Variants in CPNE4 observed in about 807,000 individuals in gnomAD.
The protein encoded by CPNE4 is copine 4, also known as copine-4.
A neutral mutation model predicts 67.9 loss-of-function variants in CPNE4; 25 were observed. The observed-to-expected ratio is 0.37, with a 90% CI of 0.27 to 0.51. The LOEUF (loss-of-function observed/expected upper bound fraction) is 0.51, where lower values mean the gene tolerates loss of function less well. Ranked by LOEUF, CPNE4 falls within the 20% of genes least tolerant of loss-of-function variation. The pLI, the probability that CPNE4 is intolerant of heterozygous loss-of-function variation, is 0.93. For synonymous variants in CPNE4, 242 were observed against 244.9 expected, an observed-to-expected ratio of 0.99 and a Z score of 0.11; for missense variants, 464 against 690.8, an observed-to-expected ratio of 0.67 and a Z score of 3.68.
At chr3:131,909,907 TA>T (rs1156409259) in intron 1 of CPNE4, among the ~76,000 whole-genome samples, 1 of 151,284 alleles carries the variant, frequency 6.6e-6, no homozygotes, top group African/African-American at 2.5e-5. Context: ...TAGAGTTTTT[TA>T]AATCATGGAA....
intron 7 of CPNE4, among the ~76,000 whole-genome samples, chr3:131,644,742 A>T (rs2079621338): frequency 6.6e-6 from 1 of 152,184 alleles, no homozygotes. Context: ...ACTTACAGGA[A>T]TGGAAAAGGT....
intron 3 of CPNE4, among the ~76,000 whole-genome samples, chr3:131,707,238 C>T (rs982679326): frequency 5.9e-5 from 9 of 152,198 alleles, no homozygotes; most frequent in Non-Finnish European, 1.2e-4. Context: ...CAGAGCCACA[C>T]TCTCTCCAGA....
intron 7 of CPNE4, among the ~76,000 whole-genome samples, chr3:131,603,395 T>C (rs754920952): frequency 1.3e-4 from 20 of 152,178 alleles, no homozygotes; most frequent in Non-Finnish European, 2.2e-4. Context: ...AGGGACTCAA[T>C]AAGTGTTGCT....
chr3:131,791,504 C>T lies in CPNE4; in HGVS notation c.181-67879G>A, dbSNP rs761153584. ...ACACCTAAACTAATATTTCAAATGG[C>T]CCCTTGTTTAGCACTTGGAAGGTTT... On this transcript the variant is annotated intron_variant, in intron 2 of 15. Coordinates refer to ENST00000429747, the MANE Select transcript of CPNE4 (RefSeq NM_130808.3). Among the ~76,000 whole-genome samples, 29 of 152,144 alleles carry T rather than the reference C, an allele frequency of 1.9e-4. 1 individual carries two copies. Among genetic ancestry groups the T allele is most frequent in the Non-Finnish European group, 3.2e-4 (22 of 68,030 alleles).
At chr3:131,742,516 T>C (rs1050066224) in intron 2 of CPNE4, among the ~76,000 whole-genome samples, 3 of 152,184 alleles carry the variant, frequency 2.0e-5, no homozygotes, top group African/African-American at 7.2e-5. Flanking sequence ...TATACATACA[T>C]ATATATGTAT....
chr3:131,933,833 G>A (rs1244890782), intron 1 of CPNE4, among the ~76,000 whole-genome samples: 1 of 151,152 alleles, frequency 6.6e-6, no homozygotes, highest in African/African-American at 2.4e-5. Context: ...TGTGAAACCT[G>A]AGACAATCAA....
intron 1 of CPNE4, among the ~76,000 whole-genome samples, chr3:132,014,316 C>T (rs2107680859): frequency 6.6e-6 from 1 of 152,130 alleles, no homozygotes; most frequent in Middle Eastern, 3.4e-3. Flanking sequence ...GCCTACTCCT[C>T]CCCCCGAATG....
At chr3:131,731,759 A>C (rs1002687315) in intron 2 of CPNE4, among the ~76,000 whole-genome samples, 1 of 152,044 alleles carries the variant, frequency 6.6e-6, no homozygotes, top group African/African-American at 2.4e-5. Flanking sequence ...TGGAATTTTA[A>C]ATTTAAATTT....
At chr3:131,730,419 A>G (rs2082100763) in intron 2 of CPNE4, among the ~76,000 whole-genome samples, 1 of 152,086 alleles carries the variant, frequency 6.6e-6, no homozygotes, top group Non-Finnish European at 1.5e-5. Flanking sequence ...GTAAGACTCA[A>G]CTCCAGTCTT....
At chr3:131,727,570 C>A (rs911055536) in intron 2 of CPNE4, among the ~76,000 whole-genome samples, 1 of 152,106 alleles carries the variant, frequency 6.6e-6, no homozygotes, top group African/African-American at 2.4e-5. Context: ...TTAAAAAAAA[C>A]AGCATTATTG....
At chr3:131,759,971 C>A (rs2107811590) in intron 2 of CPNE4, among the ~76,000 whole-genome samples, 1 of 152,284 alleles carries the variant, frequency 6.6e-6, no homozygotes, top group South Asian at 2.1e-4. Flanking sequence ...GGATCAGCTC[C>A]AGGTAGCTTT....
chr3:131,547,607 C>G (rs1488134201), intron 14 of CPNE4, among the ~76,000 whole-genome samples: 2 of 151,230 alleles, frequency 1.3e-5, no homozygotes, highest in Non-Finnish European at 2.9e-5. Context: ...GGATTAAATC[C>G]TCAGCATTAC....
chr3:131,848,609 A>G (rs903460785), intron 2 of CPNE4, among the ~76,000 whole-genome samples: 2 of 150,912 alleles, frequency 1.3e-5, no homozygotes, highest in Non-Finnish European at 2.9e-5. Flanking sequence ...TAAGTGGGGC[A>G]TTGGAAACTT....
At chr3:131,637,706 CA>C (rs1297561777) in intron 7 of CPNE4, among the ~76,000 whole-genome samples, 4 of 152,026 alleles carry the variant, frequency 2.6e-5, no homozygotes, top group Non-Finnish European at 4.4e-5. Flanking sequence ...AAATTCATCA[CA>C]AAAAGATCAT....
At chr3:131,560,541 C>A (rs570375613) in intron 11 of CPNE4, among the ~76,000 whole-genome samples, 9 of 152,186 alleles carry the variant, frequency 5.9e-5, no homozygotes, top group Admixed American at 5.9e-4. Flanking sequence ...GCCCTTCCCT[C>A]TTTTATACAG....
chr3:131,798,735 T>A (rs914609935), intron 2 of CPNE4, among the ~76,000 whole-genome samples: 5 of 152,126 alleles, frequency 3.3e-5, no homozygotes, highest in Non-Finnish European at 5.9e-5. Context: ...AGGAATGACT[T>A]CTTCTTCTCT....
chr3:131,656,254 A>T (rs562715356), intron 7 of CPNE4, among the ~76,000 whole-genome samples: 1 of 152,290 alleles, frequency 6.6e-6, no homozygotes, highest in African/African-American at 2.4e-5. Flanking sequence ...AATGAGTAGC[A>T]ATGGGAAGTT....
At chr3:131,773,236 G>T (rs1363614299) in intron 2 of CPNE4, among the ~76,000 whole-genome samples, 1 of 152,114 alleles carries the variant, frequency 6.6e-6, no homozygotes, top group African/African-American at 2.4e-5. Flanking sequence ...GGGATTTAAG[G>T]AAAGATTTAG....
intron 6 of CPNE4, among the ~76,000 whole-genome samples, chr3:131,680,095 G>C (rs547213987): frequency 1.3e-5 from 2 of 152,248 alleles, no homozygotes; most frequent in African/African-American, 4.8e-5. Context: ...CTTGCTATAT[G>C]AATCAGGGTG....
Sources: allele counts gnomAD v4.1 joint callset (sites outside exome capture counted in the v4.1 genomes callset), GRCh38; gene constraint gnomAD v4.1.1; transcripts MANE v1.5; gene names NCBI Gene and HGNC (gene_info 2026-07-23, HGNC 2026-07-21).